Variants in RALGAPB observed in about 807,000 individuals in gnomAD.
RALGAPB encodes ral GTPase-activating protein subunit beta.
RALGAPB carries 25 observed loss-of-function variants against 161.1 expected under a neutral mutation model. That is an observed-to-expected ratio of 0.16 (90% CI 0.11 to 0.22). The LOEUF (loss-of-function observed/expected upper bound fraction) is 0.22. RALGAPB is among the 10% of genes least tolerant of loss of function. The pLI, the probability that RALGAPB is intolerant of heterozygous loss-of-function variation, is 1.00. For missense variants in RALGAPB, 1,391 were observed against 1,815.2 expected, an observed-to-expected ratio of 0.77 and a Z score of 4.25; for synonymous variants, 629 against 626.1, an observed-to-expected ratio of 1.00 and a Z score of -0.07.
chr20:38,501,855 C>T (rs2085605833), intron 5 of RALGAPB, among the ~76,000 whole-genome samples: 1 of 151,652 alleles, frequency 6.6e-6, no homozygotes, highest in Admixed American at 6.6e-5. Context: ...GCAAATGAAC[C>T]GTGTATCCTA....
intron 5 of RALGAPB, among the ~76,000 whole-genome samples, chr20:38,507,705 C>G (rs940681175): frequency 3.4e-5 from 5 of 147,188 alleles, no homozygotes; most frequent in South Asian, 2.2e-4. Context: ...TTTTGTTTTT[C>G]TTTTTTTTTT....
intron 23 of RALGAPB, among the ~76,000 whole-genome samples, chr20:38,560,755 G>T (rs1176048642): frequency 6.6e-6 from 1 of 152,164 alleles, no homozygotes; most frequent in African/African-American, 2.4e-5. Context: ...AGGAATTAAT[G>T]AAGATTTCCT....
intron 5 of RALGAPB, among the ~76,000 whole-genome samples, chr20:38,502,990 A>G (rs1176155459): frequency 1.3e-5 from 2 of 152,150 alleles, no homozygotes; most frequent in Non-Finnish European, 2.9e-5. Context: ...CCTGGGCGCA[A>G]GCTGTTTAGA....
At chr20:38,539,675 G>A (rs1460512274) in intron 16 of RALGAPB, 101 bp from the exon 17 acceptor site, 1 of 1,086,322 alleles carries the variant, frequency 9.2e-7, no homozygotes, top group South Asian at 1.6e-5. Context: ...TTCCTGTAGT[G>A]TATGACATTG....
chr20:38,481,141 C>T (rs1333846125), intron 1 of RALGAPB, among the ~76,000 whole-genome samples: 1 of 152,180 alleles, frequency 6.6e-6, no homozygotes, highest in Non-Finnish European at 1.5e-5. Context: ...TATCTGTAGT[C>T]TTTCCTGATC....
intron 21 of RALGAPB, among the ~76,000 whole-genome samples, 171 bp downstream of exon 21, chr20:38,551,394 G>A (rs894644321): frequency 2.0e-5 from 3 of 152,144 alleles, no homozygotes; most frequent in Non-Finnish European, 2.9e-5. Context: ...GTGGCTGATC[G>A]AAAGGAACTG....
Position 38,574,294 on chromosome 20 carries a change from T to C in RALGAPB, c.4287T>C (p.Ala1429=), listed in dbSNP as rs2088351947. ...LVDGMIVSRR[A]LGFLVRQTVI... Reference sequence around the variant, plus strand: ...ATGGGATGATTGTCAGCAGGCGAGCTCTTGGTAAGGTCTTCATATGTGGCC... The same window carrying C: ...ATGGGATGATTGTCAGCAGGCGAGCCCTTGGTAAGGTCTTCATATGTGGCC... Residue 1429 remains alanine, a synonymous_variant, in exon 29 of 30, where the codon GCT becomes GCC. Transcript: ENST00000262879. 1.2e-6 allele frequency: 2 copies of C among 1,610,050 alleles called. No individual in the cohort carries two copies. The highest frequency in any genetic ancestry group is 1.7e-6 in the Non-Finnish European group (2 of 1,178,694).
chr20:38,473,367 C>G (rs988939944), intron 1 of RALGAPB, among the ~76,000 whole-genome samples: 1 of 152,194 alleles, frequency 6.6e-6, no homozygotes, highest in Non-Finnish European at 1.5e-5. Context: ...TGGAGCGGAG[C>G]TAGACAACTC....
chr20:38,542,255 C>T (rs929417686), intron 18 of RALGAPB, among the ~76,000 whole-genome samples: 2 of 152,118 alleles, frequency 1.3e-5, no homozygotes, highest in African/African-American at 4.8e-5. Context: ...CAGGCAAAAC[C>T]GCTTGAAAAT....
chr20:38,533,765 C>T (rs1364722563), intron 15 of RALGAPB, among the ~76,000 whole-genome samples: 5 of 152,128 alleles, frequency 3.3e-5, no homozygotes, highest in Admixed American at 3.3e-4. Context: ...TTATCTTATT[C>T]ACTGTGTATG....
chr20:38,522,655 A>G (rs1274864479), intron 10 of RALGAPB, among the ~76,000 whole-genome samples: 1 of 152,140 alleles, frequency 6.6e-6, no homozygotes, highest in Non-Finnish European at 1.5e-5. Context: ...AATTAAACTG[A>G]CCCTATCAGA....
Position 38,549,738 on chromosome 20 carries a change from A to G in RALGAPB, c.3009+943A>G, listed in dbSNP as rs76465523. On this transcript the variant is annotated intron_variant, in intron 20 of 29. Transcript: ENST00000262879. ...AAATTTTAAATCACCTTTACTCACT[A>G]TCCAGAGGAATATAACCACTGCTAA... 7.1e-3 allele frequency among the ~76,000 whole-genome samples: 1,082 copies of G among 152,170 alleles called. 17 individuals are homozygous for G. The highest frequency in any genetic ancestry group is 0.023 in the African/African-American group (974 of 41,532).
chr20:38,571,876 T>C (rs1242276719), intron 28 of RALGAPB, among the ~76,000 whole-genome samples: 1 of 152,194 alleles, frequency 6.6e-6, no homozygotes, highest in East Asian at 1.9e-4. Flanking sequence ...TGTTTTCTTT[T>C]GGTTTTTTTG....
intron 5 of RALGAPB, among the ~76,000 whole-genome samples, chr20:38,503,587 G>A (rs1394731593): frequency 6.6e-6 from 1 of 152,118 alleles, no homozygotes; most frequent in South Asian, 2.1e-4. Context: ...AGTTTCCTGA[G>A]GTGGAATCTA....
rs746353216 is a variant in RALGAPB, at chr20:38,541,183, C to T, written c.2705C>T (p.Thr902Ile). Residue 902 changes from threonine (T) to isoleucine (I), a missense_variant, in exon 18 of 30, where the codon ACC (threonine) becomes ATC (isoleucine). Around this residue, in one of 3 missense-constraint regions of RALGAPB, gnomAD observed 946 missense variants for 1,257.2 expected, o/e 0.75. Transcript: ENST00000262879. ...SMRVKDAAEATLTCIMQLLGA... is the reference protein window; with the variant it reads ...SMRVKDAAEAILTCIMQLLGA... ...AGGGTAAAGGATGCTGCTGAAGCCA[C>T]CCTAACATGGTATGGAAGTGACCGC... 1 of 1,613,846 alleles carries T rather than the reference C, an allele frequency of 6.2e-7. No homozygotes were observed. Among genetic ancestry groups the T allele is most frequent in the African/African-American group, 1.3e-5 (1 of 74,888 alleles).
intron 13 of RALGAPB, among the ~76,000 whole-genome samples, chr20:38,528,838 G>T (rs566843579): frequency 2.0e-5 from 3 of 151,966 alleles, no homozygotes; most frequent in Non-Finnish European, 4.4e-5. Flanking sequence ...CCGCCACCAC[G>T]CCCAGCTAAT....
chr20:38,487,219 A>G (rs2085140976), intron 1 of RALGAPB, among the ~76,000 whole-genome samples: 1 of 152,194 alleles, frequency 6.6e-6, no homozygotes, highest in Admixed American at 6.5e-5. Flanking sequence ...AGCAATCATC[A>G]GTAGTTCTTT....
At chr20:38,571,052 A>AT (rs1425840087) in intron 28 of RALGAPB, among the ~76,000 whole-genome samples, 6 of 152,348 alleles carry the variant, frequency 3.9e-5, no homozygotes, top group Admixed American at 3.9e-4. Context: ...TTATTGAAGT[A>AT]TAACTGATTG....
intron 14 of RALGAPB, among the ~76,000 whole-genome samples, chr20:38,531,856 T>A (rs2086661676): frequency 6.6e-6 from 1 of 152,162 alleles, no homozygotes; most frequent in African/African-American, 2.4e-5. Flanking sequence ...TCTCAGTAGA[T>A]GGTGAATAAT....
Sources: allele counts gnomAD v4.1 joint callset (sites outside exome capture counted in the v4.1 genomes callset), GRCh38; gene constraint gnomAD v4.1.1; regional missense constraint gnomAD v4.1.1; transcripts MANE v1.5; gene names NCBI Gene and HGNC (gene_info 2026-07-23, HGNC 2026-07-21).